The following CMSS1 variants were observed in gnomAD, a reference collection of about 807,000 sequenced individuals.
CMSS1 encodes cms1 ribosomal small subunit homolog.
A neutral mutation model predicts 43.5 loss-of-function variants in CMSS1; 33 were observed. That is an observed-to-expected ratio of 0.76 (90% CI 0.57 to 1.01). CMSS1 has a LOEUF of 1.01. Among genes scored for constraint, CMSS1 ranks in the 50% least tolerant of loss-of-function variants. The pLI is 0.00. For missense variants in CMSS1, 313 were observed against 326.4 expected, an observed-to-expected ratio of 0.96 and a Z score of 0.32; for synonymous variants, 115 against 117.2, an observed-to-expected ratio of 0.98 and a Z score of 0.12.
intron 1 of CMSS1, among the ~76,000 whole-genome samples, chr3:99,914,856 G>A (rs959642926): frequency 7.9e-5 from 12 of 152,236 alleles, no homozygotes; most frequent in Non-Finnish European, 2.9e-5. Flanking sequence ...TGATGCACCT[G>A]TGTGATACAG....
At chr3:99,897,404 C>T (rs1225751830) in intron 1 of CMSS1, among the ~76,000 whole-genome samples, 1 of 151,954 alleles carries the variant, frequency 6.6e-6, no homozygotes, top group Admixed American at 6.6e-5. Context: ...TGTTCTATAC[C>T]TTTGACAGTA....
intron 2 of CMSS1, among the ~76,000 whole-genome samples, chr3:100,147,744 G>A (rs2066866220): frequency 6.6e-6 from 1 of 152,160 alleles, no homozygotes; most frequent in African/African-American, 2.4e-5. Flanking sequence ...TACAGCACCA[G>A]GCCATGCTGC....
chr3:100,020,760 C>CTTTTTTTT (rs34665880), intron 1 of CMSS1, among the ~76,000 whole-genome samples: 21 of 71,008 alleles, frequency 3.0e-4, no homozygotes, highest in East Asian at 1.4e-3. Flanking sequence ...GAATAATTAG[C>CTTTTTTTT]TTTTTTTTTT....
At chr3:99,914,390 T>A (rs1244492437) in intron 1 of CMSS1, among the ~76,000 whole-genome samples, 1 of 152,230 alleles carries the variant, frequency 6.6e-6, no homozygotes, top group African/African-American at 2.4e-5. Context: ...AAATACTCTT[T>A]CAATAAAATG....
At chr3:99,863,250 G>A (rs1489195753) in intron 1 of CMSS1, among the ~76,000 whole-genome samples, 2 of 152,186 alleles carry the variant, frequency 1.3e-5, no homozygotes, top group African/African-American at 4.8e-5. Context: ...ACACTCCTAT[G>A]AGAACCTAAT....
intron 1 of CMSS1, among the ~76,000 whole-genome samples, chr3:99,880,008 C>CA (rs763545155): frequency 3.9e-5 from 6 of 152,166 alleles, no homozygotes; most frequent in Non-Finnish European, 8.8e-5. Flanking sequence ...AGCCTTCTTG[C>CA]AAAGCAGCTT....
At chr3:99,967,050 G>A (rs959600470) in intron 1 of CMSS1, among the ~76,000 whole-genome samples, 1 of 152,136 alleles carries the variant, frequency 6.6e-6, no homozygotes, top group Non-Finnish European at 1.5e-5. Flanking sequence ...GAGAGGGAAA[G>A]GATATGGGGC....
intron 1 of CMSS1, among the ~76,000 whole-genome samples, chr3:99,823,878 C>G (rs533977268): frequency 5.8e-4 from 88 of 151,824 alleles, no homozygotes; most frequent in African/African-American, 2.1e-3. Flanking sequence ...GTTAGCTGTT[C>G]TTTTCCTTTC....
intron 1 of CMSS1, chr3:99,930,927 T>G (rs1283482545): frequency 6.2e-7 from 1 of 1,613,666 alleles, no homozygotes; most frequent in East Asian, 2.2e-5. Context: ...TGTCTATGCT[T>G]CATGTTTTTA....
intron 1 of CMSS1, among the ~76,000 whole-genome samples, chr3:100,134,388 A>G (rs2066733292): frequency 6.6e-6 from 1 of 152,220 alleles, no homozygotes; most frequent in South Asian, 2.1e-4. Context: ...GATCACAAAA[A>G]TTAAAGCTAA....
chr3:100,067,212 T>G (rs2065681601), intron 1 of CMSS1, among the ~76,000 whole-genome samples: 1 of 151,636 alleles, frequency 6.6e-6, no homozygotes. Flanking sequence ...ATAGGGAAAT[T>G]TTAGCATCAC....
At chr3:100,118,102 AT>A (rs2066591319) in intron 1 of CMSS1, among the ~76,000 whole-genome samples, 1 of 151,164 alleles carries the variant, frequency 6.6e-6, no homozygotes, top group African/African-American at 2.4e-5. Context: ...GATGGGGAGA[AT>A]TGTTTAATGG....
intron 1 of CMSS1, among the ~76,000 whole-genome samples, chr3:100,002,282 G>T (rs1172392889): frequency 6.6e-6 from 1 of 152,150 alleles, no homozygotes; most frequent in Non-Finnish European, 1.5e-5. Flanking sequence ...GAATTATTAT[G>T]AATTTTTTGT....
chr3:100,020,221 G>C (rs1419261844), intron 1 of CMSS1, among the ~76,000 whole-genome samples: 1 of 152,014 alleles, frequency 6.6e-6, no homozygotes, highest in Non-Finnish European at 1.5e-5. Context: ...CCCTCTTTCT[G>C]TTTCACATAA....
chr3:99,930,125 T>A, intron 1 of CMSS1: 1 of 983,456 alleles, frequency 1.0e-6, no homozygotes, highest in Non-Finnish European at 1.5e-6. Flanking sequence ...TTTCTTCTCT[T>A]TCAAATCTAA....
intron 1 of CMSS1, among the ~76,000 whole-genome samples, chr3:99,934,849 T>G (rs1433390171): frequency 6.6e-6 from 1 of 152,244 alleles, no homozygotes; most frequent in African/African-American, 2.4e-5. Context: ...TGTTTGTTAT[T>G]CTTCTAAAGA....
At chr3:99,905,727 C>T (rs1450433404) in intron 1 of CMSS1, among the ~76,000 whole-genome samples, 1 of 152,138 alleles carries the variant, frequency 6.6e-6, no homozygotes, top group Non-Finnish European at 1.5e-5. Flanking sequence ...GAGAGGTTGC[C>T]ACCATTTGAT....
At chr3:100,155,226 G>A (rs2066960938) in intron 2 of CMSS1, among the ~76,000 whole-genome samples, 1 of 151,952 alleles carries the variant, frequency 6.6e-6, no homozygotes, top group Admixed American at 6.6e-5. Context: ...ACCACATTTT[G>A]GTCAAAACAG....
At chr3:99,856,545 C>T (rs1209819213) in intron 1 of CMSS1, among the ~76,000 whole-genome samples, 3 of 152,160 alleles carry the variant, frequency 2.0e-5, no homozygotes, top group Non-Finnish European at 4.4e-5. Flanking sequence ...TAATTAAATC[C>T]AAACTGGCTT....
Sources: gnomAD v4.1 joint callset for allele counts (sites outside exome capture counted in the v4.1 genomes callset) on GRCh38, gnomAD v4.1.1 for gene constraint, MANE v1.5 for transcripts, NCBI Gene and HGNC (gene_info 2026-07-23, HGNC 2026-07-21) for gene names.